Variants in AAGAB observed in about 807,000 individuals in gnomAD.
The protein encoded by AAGAB is alpha and gamma adaptin binding protein, also known as alpha- and gamma-adaptin-binding protein p34.
AAGAB carries 38 observed loss-of-function variants against 44.1 expected under a neutral mutation model. That is an observed-to-expected ratio of 0.86 (90% confidence interval 0.67 to 1.13). AAGAB has a LOEUF of 1.13. AAGAB is among the 50% of genes most tolerant of loss of function. AAGAB has a pLI of 0.00. For missense variants in AAGAB, 450 were observed against 373.8 expected (o/e 1.20, Z -1.68); for synonymous variants, 131 against 131.8 (o/e 0.99, Z 0.04).
In AAGAB at chr15:67,252,994, A is replaced by G. The variant is rs539859303; in HGVS notation, c.73+1565T>C. The stretch of plus-strand genomic sequence containing the variant: ...GAAATAGGCTCATATGCCCCATTTT[A>G]AGGATCAGGAAATTGAGGGTTACAG... On this transcript the variant is annotated intron_variant, in intron 1 of 9. Coordinates refer to ENST00000261880, the MANE Select transcript of AAGAB (RefSeq NM_024666.5). Among the ~76,000 whole-genome samples the G allele has an allele frequency of 1.4e-3, 216 of 152,356 alleles. 1 individual carries two copies. The highest frequency in any genetic ancestry group is 5.1e-3 in the African/African-American group (210 of 41,570).
At chr15:67,222,282 A>ACACACACACACCCC (rs796412643) in intron 5 of AAGAB, among the ~76,000 whole-genome samples, 12 of 139,924 alleles carry the variant, frequency 8.6e-5, no homozygotes, top group East Asian at 2.3e-4. Flanking sequence ...ACACACACAC[A>ACACACACACACCCC]CCCTCCACCC....
At chr15:67,203,280 A>G (rs752831812) in intron 9 of AAGAB, among the ~76,000 whole-genome samples, 44 of 152,222 alleles carry the variant, frequency 2.9e-4, no homozygotes, top group South Asian at 8.3e-4. Flanking sequence ...AAACAAAACA[A>G]CTAAGAGTTT....
intron 5 of AAGAB, among the ~76,000 whole-genome samples, chr15:67,215,610 T>A (rs1329316987): frequency 6.6e-6 from 1 of 152,232 alleles, no homozygotes; most frequent in East Asian, 1.9e-4. Flanking sequence ...ATCTGAGTAA[T>A]AAGCATGACC....
chr15:67,202,410 C>T lies in AAGAB; in HGVS notation c.*411G>A, dbSNP rs1261932475. On this transcript the variant is annotated 3_prime_UTR_variant, in exon 10 of 10. Transcript: ENST00000261880. ...TACAAGCTCCTTGAATGGAGAAAAC[C>T]CAAATCACCCAGGAAAGGTGACACA... The T allele has an allele frequency of 6.1e-6, 1 of 164,560 alleles. No homozygotes were observed. Among genetic ancestry groups the T allele is most frequent in the Non-Finnish European group, 1.3e-5 (1 of 75,632 alleles). 10.2% of individuals were successfully genotyped at this position (164,560 alleles called of 1,614,324 possible). A position where few individuals can be genotyped will look rare whatever the true frequency, so the allele number is the denominator to read the frequency against.
At chr15:67,248,658 A>G (rs1437945859) in intron 1 of AAGAB, among the ~76,000 whole-genome samples, 1 of 152,258 alleles carries the variant, frequency 6.6e-6, no homozygotes, top group East Asian at 1.9e-4. Flanking sequence ...TTGCAAGTAT[A>G]GGAGTCTGAC....
intron 8 of AAGAB, among the ~76,000 whole-genome samples, 191 bp downstream of exon 8, chr15:67,203,851 AAG>A (rs1474413969): frequency 6.6e-6 from 1 of 152,216 alleles, no homozygotes; most frequent in Admixed American, 6.5e-5. Context: ...AGTAAAAAGA[AAG>A]AGAACGAAGA....
chr15:67,239,817 C>G (rs2140385246), intron 1 of AAGAB, among the ~76,000 whole-genome samples: 1 of 152,256 alleles, frequency 6.6e-6, no homozygotes, highest in East Asian at 1.9e-4. Context: ...ATTTGATTTT[C>G]AAATGCTTAA....
At chr15:67,241,837 G>C (rs929285474) in intron 1 of AAGAB, among the ~76,000 whole-genome samples, 1 of 152,164 alleles carries the variant, frequency 6.6e-6, no homozygotes, top group Admixed American at 6.5e-5. Context: ...TGAGGAGTTA[G>C]TAAGATACAT....
Position 67,222,235 on chromosome 15 carries a change from C to CGCGCGCGT in AAGAB, c.535+9578_535+9579insACGCGCGC, listed in dbSNP as rs1555417847. 8.5e-4 allele frequency among the ~76,000 whole-genome samples: 54 copies of CGCGCGCGT among 63,158 alleles called. 1 individual carries two copies. The East Asian group carries it at 0.011, about 13-fold the overall frequency. 41.4% of individuals were successfully genotyped at this position (63,158 alleles called of 152,430 possible). A position where few individuals can be genotyped will look rare whatever the true frequency, so the allele number is the denominator to read the frequency against. On this transcript the variant is annotated intron_variant, in intron 5 of 9. Transcript: ENST00000261880. ...TACTACATGCATGCACGCGCACGCG[C>CGCGCGCGT]GCGCGCGCACACACACACACACACA...
rs779893221 is a variant in AAGAB, at chr15:67,236,667, G to A, written c.227C>T (p.Ser76Phe). The change falls in exon 2 of 10, where the codon TCT becomes TTT. Residue 76 changes from serine (S) to phenylalanine (F), a missense_variant. Ser to Phe is a radical substitution (Grantham distance 155). Transcript: ENST00000261880. The stretch of plus-strand genomic sequence containing the variant: ...AAAGTAAACCACAAATGCTTGGACA[G>A]ATTCTGCAATCTCTGCAGTAACAAG... ...KFLVTAEIAE[S>F]VQAFVVYFDS... 5 of 1,614,102 alleles carry A rather than the reference G, an allele frequency of 3.1e-6. No individual in the cohort carries two copies. In the South Asian group the frequency reaches 3.3e-5, roughly 11 times the overall value.
chr15:67,236,710 C>T lies in AAGAB; in HGVS notation c.184G>A (p.Val62Met), dbSNP rs1964477291. ...GTAACAAGAAATTTGTTTGGCACCACACATAGATTGATGTCTGCTGAATAG... is the reference window on the plus strand; with the variant it reads ...GTAACAAGAAATTTGTTTGGCACCATACATAGATTGATGTCTGCTGAATAG... The part of the protein sequence containing the change: ...KYYSADINLC[V>M]VPNKFLVTAE... The change falls in exon 2 of 10, where the codon GTG becomes ATG. Residue 62 changes from valine (V) to methionine (M), a missense_variant. Transcript: ENST00000261880. 30 of 1,613,924 alleles carry T rather than the reference C, an allele frequency of 1.9e-5. No individual in the cohort carries two copies. The highest frequency in any genetic ancestry group is 2.5e-5 in the Non-Finnish European group (29 of 1,179,882).
intron 1 of AAGAB, among the ~76,000 whole-genome samples, chr15:67,244,010 G>A (rs1426847253): frequency 6.6e-6 from 1 of 151,922 alleles, no homozygotes; most frequent in African/African-American, 2.4e-5. Flanking sequence ...ATATTCAAAT[G>A]GTAATTTTTC....
rs537355082 is a variant in AAGAB at position 67,236,854 on chromosome 15, G to A, written c.74-34C>T. ...AAATGACAACATTACCATGTAAAGT[G>A]CAAAACCAATATACATTGGTTGATT... On this transcript the variant is annotated intron_variant, in intron 1 of 9. Coordinates refer to ENST00000261880, the MANE Select transcript of AAGAB (RefSeq NM_024666.5). 4.6e-6 allele frequency: 7 copies of A among 1,528,792 alleles called. No homozygotes were observed. In the African/African-American group the frequency reaches 8.2e-5, roughly 18 times the overall value. The allele number at this position is 1,528,792 out of a possible 1,614,324, so 94.7% of individuals were successfully genotyped here.
rs1346371963 is a variant in AAGAB, at chr15:67,254,595, A to T, written c.37T>A (p.Cys13Ser). The T allele has an allele frequency of 2.5e-6, 4 of 1,609,820 alleles. No individual in the cohort carries two copies. The highest frequency in any genetic ancestry group is 2.1e-4 in the Middle Eastern group (1 of 4,866). The change falls in exon 1 of 10, where the codon TGC (cysteine) becomes AGC (serine). Residue 13 changes from cysteine (C) to serine (S), a missense_variant. Physicochemically the swap from Cys to Ser is moderately radical, Grantham distance 112. Transcript: ENST00000261880. ...AGVPCALVTS[C>S]SSVFSGDQLV... is the part of the protein sequence containing the mutation. ...TGGTCTCCTGAGAAGACGGAGGAGC[A>T]GCTGGTGACTAACGCACAGGGTACG...
At chr15:67,253,148 G>A (rs1249086507) in intron 1 of AAGAB, among the ~76,000 whole-genome samples, 4 of 152,076 alleles carry the variant, frequency 2.6e-5, no homozygotes, top group African/African-American at 9.7e-5. Flanking sequence ...GGGGCCGGGC[G>A]CGGTGGTGAC....
intron 1 of AAGAB, chr15:67,242,598 G>C (rs1255676848): frequency 6.6e-6 from 1 of 152,204 alleles, no homozygotes; most frequent in Non-Finnish European, 1.5e-5. Flanking sequence ...CCTAAATACT[G>C]AAAGTAGATT....
At chr15:67,203,337 G>A (rs1174943339) in intron 9 of AAGAB, among the ~76,000 whole-genome samples, 1 of 152,130 alleles carries the variant, frequency 6.6e-6, no homozygotes, top group Non-Finnish European at 1.5e-5. Flanking sequence ...CTCAATAAAG[G>A]TTCCACATCA....
At chr15:67,220,578 A>G (rs896488943) in intron 5 of AAGAB, 4 of 152,220 alleles carry the variant, frequency 2.6e-5, no homozygotes, top group Non-Finnish European at 4.4e-5. Context: ...GCATGCATGG[A>G]GATTCTATGT....
intron 1 of AAGAB, among the ~76,000 whole-genome samples, chr15:67,250,308 CT>C (rs1397661980): frequency 6.6e-6 from 1 of 152,076 alleles, no homozygotes; most frequent in African/African-American, 2.4e-5. Flanking sequence ...ACCTGAGTAG[CT>C]AGGATTATAG....
Sources: gnomAD v4.1 joint callset for allele counts (sites outside exome capture counted in the v4.1 genomes callset) on GRCh38, gnomAD v4.1.1 for gene constraint, MANE v1.5 for transcripts, NCBI Gene and HGNC (gene_info 2026-07-23, HGNC 2026-07-21) for gene names.